MEGF9: variants seen among roughly 807,000 people sequenced by gnomAD.
The protein encoded by MEGF9 is multiple epidermal growth factor-like domains protein 9.
In MEGF9, 6 loss-of-function variants were observed where a neutral mutation model predicts 46.8. The ratio of observed to expected loss-of-function variants is 0.13; its 90% CI spans 0.07 to 0.25. The LOEUF (loss-of-function observed/expected upper bound fraction) is 0.25, where lower values mean the gene tolerates loss of function less well. Among genes scored for constraint, MEGF9 ranks in the 10% least tolerant of loss-of-function variants. The pLI is 1.00. For synonymous variants in MEGF9, 302 were observed against 330.7 expected (o/e 0.91, Z 0.94); for missense variants, 683 against 792.4 (o/e 0.86, Z 1.66).
chr9:120,614,287 T>A (rs538998940), intron 3 of MEGF9, among the ~76,000 whole-genome samples: 1 of 152,270 alleles, frequency 6.6e-6, no homozygotes, highest in Non-Finnish European at 1.5e-5. Context: ...CCTCCCTAAG[T>A]GTAAATCTCA....
In MEGF9 at chr9:120,654,380, G is replaced by A. The variant is rs556608572; in HGVS notation, c.803+4994C>T. Among the ~76,000 whole-genome samples, 29 of 152,176 alleles carry A rather than the reference G, an allele frequency of 1.9e-4. 1 individual carries two copies. Among genetic ancestry groups the A allele is most frequent in the African/African-American group, 6.0e-4 (25 of 41,502 alleles). ...TCAGGTGCAACATGATGACATTTCC[G>A]TCAATGACGTATGGAATATATCATG... On this transcript the variant is annotated intron_variant, in intron 2 of 5. Transcript: ENST00000373930.
At chr9:120,695,333 CG>C (rs2043870901) in intron 1 of MEGF9, among the ~76,000 whole-genome samples, 1 of 151,922 alleles carries the variant, frequency 6.6e-6, no homozygotes, top group Non-Finnish European at 1.5e-5. Flanking sequence ...AGGTCAGGCG[CG>C]GTAGCTCACG....
chr9:120,663,985 A>C (rs2132324768), intron 1 of MEGF9, among the ~76,000 whole-genome samples: 1 of 152,330 alleles, frequency 6.6e-6, no homozygotes, highest in Non-Finnish European at 1.5e-5. Flanking sequence ...GAAGATAGTC[A>C]CATAAAGTCC....
intron 2 of MEGF9, among the ~76,000 whole-genome samples, chr9:120,633,758 G>A (rs899505754): frequency 2.0e-5 from 3 of 151,976 alleles, no homozygotes; most frequent in Non-Finnish European, 4.4e-5. Flanking sequence ...TTGATACTGT[G>A]TTTGCTCTAT....
In MEGF9 at chr9:120,710,424, T is replaced by TAAAAA. The variant is rs61674473; in HGVS notation, c.601+3329_601+3333dup. ...GGGCAACAAGAGCGAAACTCCGTCT[T>TAAAAA]AAAAAAAAAAAAAAAAAAAAAAGTC... On this transcript the variant is annotated intron_variant, in intron 1 of 5. Transcript: ENST00000373930. Among the ~76,000 whole-genome samples, 5 of 99,970 alleles carry TAAAAA rather than the reference T, an allele frequency of 5.0e-5. No individual in the cohort carries two copies. In the East Asian group the frequency reaches 1.1e-3, roughly 22 times the overall value. The allele number at this position is 99,970 out of a possible 152,430, so 65.6% of individuals were successfully genotyped here. A position where few individuals can be genotyped will look rare whatever the true frequency, so the allele number is the denominator to read the frequency against.
At chr9:120,616,677 CAAAAAA>C (rs60170268) in intron 3 of MEGF9, among the ~76,000 whole-genome samples, 4,142 of 94,428 alleles carry the variant, frequency 0.044, 174 homozygotes, top group African/African-American at 0.14. Flanking sequence ...GACTCTGTCT[CAAAAAA>C]AAAAAAAAAA....
intron 1 of MEGF9, among the ~76,000 whole-genome samples, chr9:120,688,956 G>T (rs190567733): frequency 1.4e-4 from 22 of 152,214 alleles, no homozygotes; most frequent in Non-Finnish European, 4.4e-5. Flanking sequence ...TTAATCACTG[G>T]TTCAATCATC....
At chr9:120,678,567 G>C (rs2043783874) in intron 1 of MEGF9, among the ~76,000 whole-genome samples, 1 of 152,156 alleles carries the variant, frequency 6.6e-6, no homozygotes, top group Non-Finnish European at 1.5e-5. Flanking sequence ...CTGCCTCCCG[G>C]GTTCAAGGAA....
intron 1 of MEGF9, among the ~76,000 whole-genome samples, chr9:120,695,180 T>C (rs2043869211): frequency 6.6e-6 from 1 of 152,210 alleles, no homozygotes; most frequent in Non-Finnish European, 1.5e-5. Context: ...TACTACATGC[T>C]GAACACTATC....
At chr9:120,607,655 G>C (rs974523310) in intron 5 of MEGF9, 86 bp downstream of exon 5, 1 of 1,399,540 alleles carries the variant, frequency 7.1e-7, no homozygotes, top group Non-Finnish European at 9.9e-7. Flanking sequence ...AACTCCTCTG[G>C]TAGGGTTAGA....
chr9:120,634,304 T>A (rs553699081), intron 2 of MEGF9, among the ~76,000 whole-genome samples: 22 of 152,250 alleles, frequency 1.4e-4, no homozygotes, highest in African/African-American at 3.6e-4. Context: ...ACAATTATTA[T>A]ATCCTTTTGC....
At chr9:120,674,303 T>C (rs1477485688) in intron 1 of MEGF9, among the ~76,000 whole-genome samples, 1 of 152,048 alleles carries the variant, frequency 6.6e-6, no homozygotes, top group Admixed American at 6.5e-5. Context: ...AATAAGGAAA[T>C]AATGCAATTT....
Position 120,625,689 on chromosome 9 carries a change from C to T in MEGF9, c.804-2934G>A, listed in dbSNP as rs180782728. 1.3e-4 allele frequency among the ~76,000 whole-genome samples: 20 copies of T among 151,504 alleles called. No homozygotes were observed. In the East Asian group the frequency reaches 3.7e-3, roughly 28 times the overall value. ...TCTCTACTAAAAATACAAAAATTAG[C>T]AGGGCATGGTGGCACACACCTGTAG... On this transcript the variant is annotated intron_variant, in intron 2 of 5. Transcript: ENST00000373930.
intron 4 of MEGF9, 43 bp downstream of exon 4, chr9:120,612,352 AT>A (rs761613115): frequency 6.7e-5 from 106 of 1,575,526 alleles, no homozygotes; most frequent in South Asian, 1.7e-4. Context: ...TTGATAACTG[AT>A]TTTTTTTTCC....
chr9:120,661,499 A>T (rs2043701578), intron 1 of MEGF9, among the ~76,000 whole-genome samples: 1 of 152,264 alleles, frequency 6.6e-6, no homozygotes. Flanking sequence ...CCTGGGTGAC[A>T]GAGTGAGACC....
intron 1 of MEGF9, among the ~76,000 whole-genome samples, chr9:120,695,871 C>T (rs2043874663): frequency 6.6e-6 from 1 of 152,158 alleles, no homozygotes; most frequent in Non-Finnish European, 1.5e-5. Flanking sequence ...ATGTCAGATT[C>T]TTGTTTTTCT....
intron 1 of MEGF9, among the ~76,000 whole-genome samples, chr9:120,660,175 T>G (rs1357133440): frequency 2.0e-5 from 3 of 152,176 alleles, no homozygotes; most frequent in African/African-American, 4.8e-5. Context: ...AACATTTCTT[T>G]TAAGTATATT....
At chr9:120,616,295 C>T (rs1299878479) in intron 3 of MEGF9, among the ~76,000 whole-genome samples, 3 of 151,910 alleles carry the variant, frequency 2.0e-5, no homozygotes, top group East Asian at 1.9e-4. Context: ...AAGACCATAA[C>T]GTTTAAAACC....
intron 1 of MEGF9, among the ~76,000 whole-genome samples, chr9:120,667,328 T>C (rs920746): frequency 0.98 from 149,348 of 152,340 alleles, 73,257 homozygotes; most frequent in East Asian, 1. Context: ...AATGCTATTT[T>C]ACTAAAAGGA....
Sources: allele counts gnomAD v4.1 joint callset (sites outside exome capture counted in the v4.1 genomes callset), GRCh38; gene constraint gnomAD v4.1.1; transcripts MANE v1.5; gene names NCBI Gene and HGNC (gene_info 2026-07-23, HGNC 2026-07-21).